The following ANGPTL2 variants were observed in gnomAD, a reference collection of about 807,000 sequenced individuals.
ANGPTL2 encodes angiopoietin-related protein 2.
ANGPTL2 carries 25 observed loss-of-function variants against 52.8 expected under a neutral mutation model. The ratio of observed to expected loss-of-function variants is 0.47; its 90% CI spans 0.35 to 0.66. The LOEUF (loss-of-function observed/expected upper bound fraction) is 0.66, where lower values mean the gene tolerates loss of function less well. ANGPTL2 is among the 30% of genes least tolerant of loss of function. The probability of loss-of-function intolerance (pLI) is 0.01; values close to 1 mark genes in which losing one functional copy is unlikely to be tolerated. For synonymous variants in ANGPTL2, 276 were observed against 277.4 expected (o/e 1.00, Z 0.05); for missense variants, 546 against 656.9 (o/e 0.83, Z 1.84).
intron 1 of ANGPTL2, among the ~76,000 whole-genome samples, chr9:127,109,042 C>T (rs1260140808): frequency 2.0e-5 from 3 of 152,220 alleles, no homozygotes; most frequent in African/African-American, 7.2e-5. Context: ...CTGCTACTCC[C>T]AGAGCCAGCT....
At chr9:127,121,997 C>T (rs542365264) in intron 1 of ANGPTL2, among the ~76,000 whole-genome samples, 2 of 152,346 alleles carry the variant, frequency 1.3e-5, no homozygotes, top group African/African-American at 4.8e-5. Context: ...CACACACGCA[C>T]ACTCCCAGCT....
chr9:127,120,586 G>A (rs1474796292), intron 1 of ANGPTL2, among the ~76,000 whole-genome samples: 3 of 152,232 alleles, frequency 2.0e-5, no homozygotes, highest in Non-Finnish European at 4.4e-5. Context: ...CACTTCGGGA[G>A]GCCGAGGTGG....
At position 127,108,441 on chromosome 9, in the gene ANGPTL2, G is replaced by A. The variant is rs1452916820; in HGVS notation, c.291C>T (p.Leu97=). Residue 97 remains leucine (L), a synonymous_variant, in exon 2 of 5, where the codon CTC becomes CTT. Transcript: ENST00000373425. Reference sequence around the variant, plus strand: ...GCGTCTCGATCTGCCGCTTCTGCTTGAGCAGCTCATTGTTGAGCAGCTCTA... The same window carrying A: ...GCGTCTCGATCTGCCGCTTCTGCTTAAGCAGCTCATTGTTGAGCAGCTCTA... The part of the protein sequence containing the change: ...QELELLNNEL[L]KQKRQIETLQ... 1.2e-6 allele frequency: 2 copies of A among 1,609,680 alleles called. No individual in the cohort carries two copies. Among genetic ancestry groups the A allele is most frequent in the Non-Finnish European group, 1.7e-6 (2 of 1,179,202 alleles).
At chr9:127,101,214 G>A (rs2053690384) in intron 2 of ANGPTL2, among the ~76,000 whole-genome samples, 1 of 152,214 alleles carries the variant, frequency 6.6e-6, no homozygotes, top group African/African-American at 2.4e-5. Flanking sequence ...CCTTTCACCT[G>A]CCATGTGCTT....
Position 127,088,854 on chromosome 9 carries a change from T to G in ANGPTL2, c.*85A>C. 2.7e-6 allele frequency: 4 copies of G among 1,487,898 alleles called. No homozygotes were observed. Among genetic ancestry groups the G allele is most frequent in the Non-Finnish European group, 3.7e-6 (4 of 1,070,562 alleles). The allele number at this position is 1,487,898 out of a possible 1,614,324, so 92.2% of individuals were successfully genotyped here. A position where few individuals can be genotyped will look rare whatever the true frequency, so the allele number is the denominator to read the frequency against. ...TCCTCCCAGCCTCAGGATGAACTGG[T>G]GAGGAGTTGTTCTTTGTGCTGTGGC... On this transcript the variant is annotated 3_prime_UTR_variant, in exon 5 of 5. Transcript: ENST00000373425.
chr9:127,089,189 T>TG, intron 4 of ANGPTL2, 51 bp from the exon 5 acceptor site: 1 of 1,594,312 alleles, frequency 6.3e-7, no homozygotes, highest in African/African-American at 1.3e-5. Flanking sequence ...CCATTCTACT[T>TG]GCGTCCATAG....
intron 2 of ANGPTL2, among the ~76,000 whole-genome samples, chr9:127,096,503 C>T (rs968929337): frequency 9.2e-5 from 14 of 152,168 alleles, no homozygotes; most frequent in East Asian, 1.9e-4. Context: ...TTGAAGGAGG[C>T]GCCACGTAGG....
intron 1 of ANGPTL2, among the ~76,000 whole-genome samples, chr9:127,120,859 T>C (rs1246637919): frequency 1.3e-5 from 2 of 151,782 alleles, no homozygotes; most frequent in Non-Finnish European, 2.9e-5. Context: ...GTGTCTCTGC[T>C]CTTCCCTTCC....
At chr9:127,117,912 G>T (rs992758693) in intron 1 of ANGPTL2, among the ~76,000 whole-genome samples, 4 of 152,200 alleles carry the variant, frequency 2.6e-5, no homozygotes, top group African/African-American at 9.7e-5. Flanking sequence ...TTTCCTTGGT[G>T]GTCTTGGTAC....
At position 127,108,513 on chromosome 9, in the gene ANGPTL2, G is replaced by T; in HGVS notation, c.219C>A (p.Ser73=). The T allele has an allele frequency of 1.2e-6, 2 of 1,612,974 alleles. No individual in the cohort carries two copies. The highest frequency in any genetic ancestry group is 1.7e-4 in the Middle Eastern group (1 of 6,058). ...TCTCCAGAAGCACCTCAGGCTCCTT[G>T]GAGTTGACGCAGATGGCACCCGTGA... ...QRVTGAICVN[S]KEPEVLLENR... is the part of the protein sequence containing the mutation. Residue 73 remains serine, a synonymous_variant, in exon 2 of 5, where the codon TCC becomes TCA. Transcript: ENST00000373425.
At chr9:127,096,305 G>A (rs763879038) in intron 2 of ANGPTL2, among the ~76,000 whole-genome samples, 6 of 152,370 alleles carry the variant, frequency 3.9e-5, no homozygotes, top group Admixed American at 2.6e-4. Flanking sequence ...GCAGAGCGCC[G>A]GTGGGCGTGG....
chr9:127,112,182 G>C (rs2054885257), intron 1 of ANGPTL2, among the ~76,000 whole-genome samples: 1 of 152,230 alleles, frequency 6.6e-6, no homozygotes, highest in Non-Finnish European at 1.5e-5. Flanking sequence ...AGAAAGGTGT[G>C]TGGGAGCTTC....
In ANGPTL2 at chr9:127,093,868, G is replaced by A. The variant is rs773869332; in HGVS notation, c.876C>T (p.Tyr292=). The A allele has an allele frequency of 1.5e-5, 24 of 1,614,002 alleles. No individual in the cohort carries two copies. Among genetic ancestry groups the A allele is most frequent in the Non-Finnish European group, 2.0e-5 (24 of 1,180,032 alleles). The change falls in exon 3 of 5, where the codon TAC becomes TAT. Residue 292 remains tyrosine (Y), a synonymous_variant. Coordinates refer to ENST00000373425, the MANE Select transcript of ANGPTL2 (RefSeq NM_012098.3). ...LEDGHDTSSI[Y]LVKPENTNRL... is the part of the protein sequence containing the mutation. The stretch of plus-strand genomic sequence containing the variant: ...GGTTGGTGTTCTCCGGCTTCACCAG[G>A]TAGATGGAGCTGGTGTCGTGGCCAT...
At chr9:127,121,074 G>A (rs2056031525) in intron 1 of ANGPTL2, among the ~76,000 whole-genome samples, 1 of 152,186 alleles carries the variant, frequency 6.6e-6, no homozygotes, top group Admixed American at 6.5e-5. Flanking sequence ...TAGCCATGTA[G>A]CCATGGGCAC....
chr9:127,096,693 T>A (rs2053177574), intron 2 of ANGPTL2, among the ~76,000 whole-genome samples: 1 of 152,228 alleles, frequency 6.6e-6, no homozygotes, highest in African/African-American at 2.4e-5. Context: ...AATTTGGGGA[T>A]GGTTCTAGAT....
At chr9:127,103,723 T>A (rs2053953410) in intron 2 of ANGPTL2, among the ~76,000 whole-genome samples, 1 of 152,184 alleles carries the variant, frequency 6.6e-6, no homozygotes, top group African/African-American at 2.4e-5. Flanking sequence ...ATCTACCACC[T>A]TTGTTCCCAG....
intron 1 of ANGPTL2, among the ~76,000 whole-genome samples, chr9:127,117,785 A>T (rs1435032564): frequency 6.6e-6 from 1 of 152,254 alleles, no homozygotes; most frequent in Non-Finnish European, 1.5e-5. Flanking sequence ...AGACAGACAC[A>T]GCCTTTCCCT....
At chr9:127,107,793 TTG>T (rs2054364513) in intron 2 of ANGPTL2, 120 bp downstream of exon 2, 1 of 971,112 alleles carries the variant, frequency 1.0e-6, no homozygotes, top group Non-Finnish European at 1.5e-6. Context: ...TGCTGGGGGA[TTG>T]TGCATGTCTT....
At chr9:127,117,355 A>G (rs1019242011) in intron 1 of ANGPTL2, among the ~76,000 whole-genome samples, 3 of 152,250 alleles carry the variant, frequency 2.0e-5, no homozygotes, top group African/African-American at 4.8e-5. Flanking sequence ...ACTACTGAGT[A>G]TCCAGGATGG....
Sources: gnomAD v4.1 joint callset for allele counts (sites outside exome capture counted in the v4.1 genomes callset) on GRCh38, gnomAD v4.1.1 for gene constraint, MANE v1.5 for transcripts, NCBI Gene and HGNC (gene_info 2026-07-23, HGNC 2026-07-21) for gene names.